Variants in ATP13A4 observed in about 807,000 individuals in gnomAD.
ATP13A4 encodes the protein probable cation-transporting ATPase 13A4.
Under a neutral mutation model 142.5 loss-of-function variants are expected in ATP13A4, and 114 were observed. The ratio of observed to expected loss-of-function variants is 0.80; its 90% CI spans 0.69 to 0.93. The LOEUF is 0.93. Among genes scored for constraint, ATP13A4 ranks in the 40% least tolerant of loss-of-function variants. The probability of loss-of-function intolerance (pLI) is 0.00; values close to 1 mark genes in which losing one functional copy is unlikely to be tolerated. For missense variants in ATP13A4, 1,392 were observed against 1,454.0 expected, an observed-to-expected ratio of 0.96 and a Z score of 0.69; for synonymous variants, 488 against 514.8, an observed-to-expected ratio of 0.95 and a Z score of 0.70.
At chr3:193,465,242 C>T (rs1718202512) in intron 11 of ATP13A4, 114 bp from the exon 12 acceptor site, 37 of 1,151,188 alleles carry the variant, frequency 3.2e-5, no homozygotes, top group Admixed American at 4.1e-5. Flanking sequence ...GGCTGGAATA[C>T]AGTGGTGTGA....
chr3:193,454,295 T>G (rs1560198375), intron 16 of ATP13A4, 83 bp from the exon 17 acceptor site: 1 of 1,055,680 alleles, frequency 9.5e-7, no homozygotes, highest in Non-Finnish European at 1.4e-6. Flanking sequence ...AACATCCAAC[T>G]TTTGCCCAAG....
intron 8 of ATP13A4, among the ~76,000 whole-genome samples, chr3:193,483,258 G>A (rs1017435119): frequency 1.3e-5 from 2 of 152,108 alleles, no homozygotes; most frequent in African/African-American, 4.8e-5. Flanking sequence ...CTGAGGGATG[G>A]GGGAGTTGGG....
intron 1 of ATP13A4, among the ~76,000 whole-genome samples, chr3:193,582,573 A>ATATT (rs1724573761): frequency 7.5e-6 from 1 of 133,640 alleles, no homozygotes; most frequent in African/African-American, 2.9e-5. Flanking sequence ...TAATACATAT[A>ATATT]ATATATATTA....
At chr3:193,588,557 TG>T (rs2108750028) in intron 1 of ATP13A4, among the ~76,000 whole-genome samples, 1 of 152,340 alleles carries the variant, frequency 6.6e-6, no homozygotes, top group South Asian at 2.1e-4. Flanking sequence ...TACCAGGCTT[TG>T]GTTAAGGGCC....
At chr3:193,421,866 G>GA (rs1715419507) in intron 25 of ATP13A4, among the ~76,000 whole-genome samples, 1 of 148,848 alleles carries the variant, frequency 6.7e-6, no homozygotes, top group African/African-American at 2.5e-5. Flanking sequence ...GAGATAAAAA[G>GA]AAAAAAAGAC....
chr3:193,534,493 GA>G (rs944457567), intron 1 of ATP13A4, among the ~76,000 whole-genome samples: 12 of 148,160 alleles, frequency 8.1e-5, no homozygotes, highest in African/African-American at 2.2e-4. Flanking sequence ...ACACTTAAAT[GA>G]AAAAAAAAGA....
intron 7 of ATP13A4, among the ~76,000 whole-genome samples, chr3:193,487,946 G>C (rs1462823875): frequency 1.3e-5 from 2 of 152,166 alleles, no homozygotes; most frequent in Non-Finnish European, 2.9e-5. Context: ...GATGCAGAAA[G>C]ATATTTAGGA....
chr3:193,414,897 G>T (rs1714975626), intron 25 of ATP13A4, 147 bp from the exon 26 acceptor site: 3 of 787,462 alleles, frequency 3.8e-6, no homozygotes, highest in South Asian at 1.6e-5. Context: ...ACAATTAATG[G>T]ACTCAAATTC....
intron 22 of ATP13A4, 125 bp downstream of exon 22, chr3:193,438,898 A>G: frequency 9.6e-7 from 1 of 1,042,438 alleles, no homozygotes. Flanking sequence ...TGCCAGGAGT[A>G]TACCTCTAAA....
At chr3:193,426,931 T>A (rs1158203945) in intron 25 of ATP13A4, among the ~76,000 whole-genome samples, 1 of 152,030 alleles carries the variant, frequency 6.6e-6, no homozygotes, top group Non-Finnish European at 1.5e-5. Context: ...ACCTTGAATT[T>A]GGCATTGGAT....
intron 2 of ATP13A4, among the ~76,000 whole-genome samples, chr3:193,561,488 T>C (rs1034144291): frequency 1.3e-5 from 2 of 152,216 alleles, no homozygotes; most frequent in Non-Finnish European, 2.9e-5. Context: ...CAATCAATGA[T>C]ATTTTGAGAG....
At chr3:193,580,592 A>AT (rs950126580) in intron 2 of ATP13A4, among the ~76,000 whole-genome samples, 1 of 152,106 alleles carries the variant, frequency 6.6e-6, no homozygotes, top group Non-Finnish European at 1.5e-5. Context: ...TAGTATATAT[A>AT]TTTTTTTATT....
intron 25 of ATP13A4, among the ~76,000 whole-genome samples, chr3:193,418,500 G>T: frequency 6.7e-6 from 1 of 149,332 alleles, no homozygotes. Context: ...CAGAAAACCA[G>T]TATGGCCACA....
intron 7 of ATP13A4, 77 bp downstream of exon 7, chr3:193,489,653 T>G (rs1027138202): frequency 6.8e-7 from 1 of 1,481,128 alleles, no homozygotes; most frequent in Non-Finnish European, 9.4e-7. Flanking sequence ...TATTTCCTGA[T>G]TCTCCTTTCT....
intron 26 of ATP13A4, among the ~76,000 whole-genome samples, chr3:193,412,925 G>A (rs755659268): frequency 4.6e-5 from 7 of 152,186 alleles, no homozygotes; most frequent in African/African-American, 7.2e-5. Context: ...TGGGGAGGCT[G>A]AGGCAGGATA....
chr3:193,432,171 T>G (rs1716020253), intron 25 of ATP13A4, among the ~76,000 whole-genome samples: 1 of 152,010 alleles, frequency 6.6e-6, no homozygotes. Flanking sequence ...ATAAAATCCT[T>G]GAGAAGGTTG....
intron 20 of ATP13A4, among the ~76,000 whole-genome samples, 187 bp from the exon 21 acceptor site, chr3:193,440,824 G>GAA (rs970143988): frequency 2.2e-4 from 33 of 152,010 alleles, no homozygotes; most frequent in African/African-American, 6.8e-4. Context: ...AGTGATCAGT[G>GAA]AAAAACAAAA....
At chr3:193,507,189 C>T (rs192597864) in intron 2 of ATP13A4, among the ~76,000 whole-genome samples, 9 of 152,190 alleles carry the variant, frequency 5.9e-5, no homozygotes, top group African/African-American at 1.9e-4. Flanking sequence ...CATTGCAATG[C>T]TAAAAGGCTG....
chr3:193,562,273 A>G lies in ATP13A4; in HGVS notation n.291+19434T>C, dbSNP rs190052591. On this transcript the variant is annotated intron_variant and non_coding_transcript_variant, in intron 2 of 3. Transcript: ENST00000489140. Reference sequence around the variant, plus strand: ...GTGTGGGTTATGTTGTACTTATACTACTTTAAAAATAAAAAGGAAAATAAA... The same window carrying G: ...GTGTGGGTTATGTTGTACTTATACTGCTTTAAAAATAAAAAGGAAAATAAA... Among the ~76,000 whole-genome samples, 26 of 152,336 alleles carry G rather than the reference A, an allele frequency of 1.7e-4. No homozygotes were observed. The East Asian group carries it at 4.8e-3, about 28-fold the overall frequency.
Sources: allele counts gnomAD v4.1 joint callset (sites outside exome capture counted in the v4.1 genomes callset), GRCh38; gene constraint gnomAD v4.1.1; transcripts MANE v1.5; gene names NCBI Gene and HGNC (gene_info 2026-07-23, HGNC 2026-07-21).